Variants in NRG3 observed in about 807,000 individuals in gnomAD.
The protein encoded by NRG3 is neuregulin 3, also known as pro-neuregulin-3, membrane-bound isoform.
In NRG3, 31 loss-of-function variants were observed where a neutral mutation model predicts 66.9. That is an observed-to-expected ratio of 0.46 (90% confidence interval 0.35 to 0.63). The LOEUF (loss-of-function observed/expected upper bound fraction) is 0.63, where lower values mean the gene tolerates loss of function less well. Among genes scored for constraint, NRG3 ranks in the 20% least tolerant of loss-of-function variants. The pLI, the probability that NRG3 is intolerant of heterozygous loss-of-function variation, is 0.00. For synonymous variants in NRG3, 393 were observed against 359.4 expected, an observed-to-expected ratio of 1.09 and a Z score of -1.06; for missense variants, 910 against 878.9, an observed-to-expected ratio of 1.04 and a Z score of -0.45.
intron 4 of NRG3, among the ~76,000 whole-genome samples, chr10:82,934,287 A>G (rs1314851506): frequency 6.6e-6 from 1 of 152,142 alleles, no homozygotes; most frequent in African/African-American, 2.4e-5. Flanking sequence ...AAACTTAAAT[A>G]CTCTACATAC....
At chr10:82,612,392 G>A (rs985980616) in intron 2 of NRG3, among the ~76,000 whole-genome samples, 2 of 151,878 alleles carry the variant, frequency 1.3e-5, no homozygotes, top group African/African-American at 4.8e-5. Flanking sequence ...TTACAAAGTA[G>A]ATAGCAAGAT....
chr10:82,719,457 G>A (rs561084532), intron 2 of NRG3, among the ~76,000 whole-genome samples: 17 of 152,196 alleles, frequency 1.1e-4, no homozygotes, highest in South Asian at 4.2e-4. Context: ...TCCATGTCCT[G>A]GCCCTTCTTC....
chr10:82,753,006 A>G (rs1443748430), intron 3 of NRG3, among the ~76,000 whole-genome samples: 1 of 152,244 alleles, frequency 6.6e-6, no homozygotes, highest in Non-Finnish European at 1.5e-5. Context: ...TTTAAGTAGT[A>G]TATAGAATAA....
intron 2 of NRG3, among the ~76,000 whole-genome samples, chr10:82,530,881 G>A (rs1847183431): frequency 6.6e-6 from 1 of 151,792 alleles, no homozygotes; most frequent in South Asian, 2.1e-4. Context: ...AGAAGGCCTA[G>A]AGTTTTGCAG....
At chr10:82,400,957 A>C (rs1262404755) in intron 2 of NRG3, among the ~76,000 whole-genome samples, 1 of 152,136 alleles carries the variant, frequency 6.6e-6, no homozygotes, top group Non-Finnish European at 1.5e-5. Flanking sequence ...ACCCTGTGCT[A>C]TCTCTTCCTT....
chr10:82,062,186 A>G (rs368309466), intron 1 of NRG3, among the ~76,000 whole-genome samples: 39 of 152,224 alleles, frequency 2.6e-4, no homozygotes, highest in African/African-American at 9.4e-4. Flanking sequence ...TCCCCTGAAG[A>G]GGCCCAAGGT....
chr10:82,183,925 G>T (rs778422954), intron 1 of NRG3, among the ~76,000 whole-genome samples: 2 of 152,096 alleles, frequency 1.3e-5, no homozygotes, highest in Non-Finnish European at 2.9e-5. Context: ...TCTAGTTGTC[G>T]TGTTGTTTCC....
chr10:82,254,400 T>A (rs1482076589), intron 1 of NRG3, among the ~76,000 whole-genome samples: 1 of 152,152 alleles, frequency 6.6e-6, no homozygotes, highest in Admixed American at 6.6e-5. Flanking sequence ...CAGGTTGCAG[T>A]GTAATAATGG....
chr10:82,811,374 G>C (rs532205054), intron 3 of NRG3, among the ~76,000 whole-genome samples: 1 of 152,324 alleles, frequency 6.6e-6, no homozygotes, highest in South Asian at 2.1e-4. Flanking sequence ...GTATGTCAAT[G>C]ATGTGCGTTC....
intron 3 of NRG3, among the ~76,000 whole-genome samples, chr10:82,784,723 A>G (rs1300510615): frequency 1.5e-4 from 22 of 148,522 alleles, no homozygotes; most frequent in African/African-American, 3.0e-4. Context: ...TGGAGAGGAT[A>G]TGGAGAAATA....
At chr10:82,444,648 G>A (rs2090620858) in intron 2 of NRG3, among the ~76,000 whole-genome samples, 1 of 152,120 alleles carries the variant, frequency 6.6e-6, no homozygotes, top group South Asian at 2.1e-4. Context: ...AGAGCTACTA[G>A]AAGTTTCCAA....
intron 1 of NRG3, among the ~76,000 whole-genome samples, chr10:81,892,753 TA>T (rs1843150428): frequency 6.6e-6 from 1 of 152,306 alleles, no homozygotes; most frequent in Admixed American, 6.5e-5. Flanking sequence ...TAGTATTTAC[TA>T]GCATAACAGG....
chr10:82,685,300 A>G (rs568747671), intron 2 of NRG3, among the ~76,000 whole-genome samples: 2 of 152,234 alleles, frequency 1.3e-5, no homozygotes, highest in Non-Finnish European at 2.9e-5. Flanking sequence ...GGATGAATAA[A>G]TTATACAAAA....
intron 2 of NRG3, among the ~76,000 whole-genome samples, chr10:82,521,262 CTT>C (rs1380956744): frequency 1.3e-5 from 2 of 152,184 alleles, no homozygotes; most frequent in Non-Finnish European, 2.9e-5. Context: ...GTCCTAATCT[CTT>C]TGCTGGTGGA....
intron 1 of NRG3, among the ~76,000 whole-genome samples, chr10:81,988,488 C>T (rs1441114486): frequency 1.3e-5 from 2 of 152,108 alleles, no homozygotes; most frequent in African/African-American, 4.8e-5. Context: ...TACCTATTTT[C>T]CCTATCAAAT....
rs1038246533 is a variant in NRG3, at chr10:82,350,230, A to G, written c.824-8509A>G. Among the ~76,000 whole-genome samples the G allele has an allele frequency of 3.3e-5, 5 of 152,214 alleles. No individual in the cohort carries two copies. The South Asian group carries it at 1.0e-3, about 32-fold the overall frequency. ...ACATTATCAGAGATTTGGAGCAAAA[A>G]GGTGCTGTTACCTTATCATTCTGAA... On this transcript the variant is annotated intron_variant, in intron 1 of 8. Transcript: ENST00000372141.
chr10:82,749,480 G>A (rs1452129691), intron 3 of NRG3, among the ~76,000 whole-genome samples: 1 of 152,134 alleles, frequency 6.6e-6, no homozygotes, highest in Non-Finnish European at 1.5e-5. Context: ...AGCAATCTTA[G>A]TAGGGTTCTT....
intron 1 of NRG3, among the ~76,000 whole-genome samples, chr10:81,942,759 TACTAAC>T (rs1848508456): frequency 6.6e-6 from 1 of 152,184 alleles, no homozygotes; most frequent in Non-Finnish European, 1.5e-5. Context: ...TTTCACATTA[TACTAAC>T]ACATAAGGAC....
At chr10:82,584,912 C>G (rs2046571638) in intron 2 of NRG3, among the ~76,000 whole-genome samples, 1 of 150,850 alleles carries the variant, frequency 6.6e-6, no homozygotes, top group Admixed American at 6.7e-5. Flanking sequence ...GGAGAGTTGG[C>G]ACAGGGTTTT....
Sources: allele counts gnomAD v4.1 joint callset (sites outside exome capture counted in the v4.1 genomes callset), GRCh38; gene constraint gnomAD v4.1.1; transcripts MANE v1.5; gene names NCBI Gene and HGNC (gene_info 2026-07-23, HGNC 2026-07-21).